The following HECTD4 variants were observed in gnomAD, a reference collection of about 807,000 sequenced individuals.
HECTD4 encodes probable E3 ubiquitin-protein ligase HECTD4.
In HECTD4, 114 loss-of-function variants were observed where a neutral mutation model predicts 471.5. The ratio of observed to expected loss-of-function variants is 0.24; its 90% CI spans 0.21 to 0.28. The LOEUF is 0.28. Ranked by LOEUF, HECTD4 falls within the 10% of genes least tolerant of loss-of-function variation. The pLI is 1.00. For synonymous variants in HECTD4, 2,012 were observed against 2,256.0 expected, an observed-to-expected ratio of 0.89 and a Z score of 3.07; for missense variants, 3,866 against 5,651.5, an observed-to-expected ratio of 0.68 and a Z score of 10.13.
chr12:112,182,220 C>G (rs1025812663), intron 62 of HECTD4, among the ~76,000 whole-genome samples: 1 of 151,950 alleles, frequency 6.6e-6, no homozygotes, highest in African/African-American at 2.4e-5. Context: ...AGTCCTAACA[C>G]TTTGGGAGGC....
intron 11 of HECTD4, 91 bp downstream of exon 11, chr12:112,273,564 G>A: frequency 8.4e-7 from 1 of 1,187,856 alleles, no homozygotes; most frequent in East Asian, 2.4e-5. Context: ...CACATTCTGG[G>A]GTTGGGCTAT....
intron 7 of HECTD4, among the ~76,000 whole-genome samples, chr12:112,300,826 C>A (rs1413969514): frequency 6.6e-6 from 1 of 152,100 alleles, no homozygotes; most frequent in African/African-American, 2.4e-5. Flanking sequence ...TCTTGAACTT[C>A]TTGGCCCTAC....
At chr12:112,320,579 T>C (rs2035565062) in intron 1 of HECTD4, among the ~76,000 whole-genome samples, 1 of 151,754 alleles carries the variant, frequency 6.6e-6, no homozygotes, top group Non-Finnish European at 1.5e-5. Flanking sequence ...CCCACGCCTG[T>C]AGTCCCAGCT....
At chr12:112,272,193 G>A (rs1384737487) in intron 11 of HECTD4, among the ~76,000 whole-genome samples, 5 of 151,888 alleles carry the variant, frequency 3.3e-5, no homozygotes, top group African/African-American at 4.8e-5. Flanking sequence ...GACTACAGGC[G>A]CCTGCCACCA....
intron 65 of HECTD4, 122 bp downstream of exon 65, chr12:112,176,474 G>A (rs1164148605): frequency 1.5e-6 from 1 of 689,348 alleles, no homozygotes; most frequent in Non-Finnish European, 2.6e-6. Context: ...AGAGCCCAGA[G>A]CAGAGGCCAT....
Position 112,382,085 on chromosome 12 carries a change from G to C in HECTD4, c.44C>G (p.Ala15Gly). 2 of 1,227,834 alleles carry C rather than the reference G, an allele frequency of 1.6e-6. No homozygotes were observed. Among genetic ancestry groups the C allele is most frequent in the Non-Finnish European group, 2.0e-6 (2 of 986,334 alleles). The allele number at this position is 1,227,834 out of a possible 1,614,324, so 76.1% of individuals were successfully genotyped here. The change falls in exon 1 of 76, where the codon GCT (alanine) becomes GGT (glycine). Residue 15 changes from alanine to glycine, a missense_variant. Ala to Gly is a moderately conservative substitution (Grantham distance 60). Coordinates refer to ENST00000682272, the MANE Select transcript of HECTD4 (RefSeq NM_001388303.1). ...AAAAAAAAAA[A>G]DSAQWLSVKE... The stretch of plus-strand genomic sequence containing the variant: ...CACCGAGAGCCACTGCGCCGAGTCA[G>C]CGGCCGCCGCCGCCGCCGCCGCCGC...
intron 21 of HECTD4, among the ~76,000 whole-genome samples, chr12:112,255,140 C>T (rs1296909166): frequency 1.3e-5 from 2 of 152,126 alleles, no homozygotes; most frequent in African/African-American, 2.4e-5. Context: ...CATAAGTTAG[C>T]GCATATTGGA....
At chr12:112,174,709 C>T (rs1203690760) in intron 66 of HECTD4, among the ~76,000 whole-genome samples, 1 of 152,134 alleles carries the variant, frequency 6.6e-6, no homozygotes, top group Non-Finnish European at 1.5e-5. Context: ...GGATTATAGG[C>T]ATGTGCCCCA....
In HECTD4 at chr12:112,171,004, G is replaced by A. The variant is rs533420858; in HGVS notation, c.11932+113C>T. 16 of 815,548 alleles carry A rather than the reference G, an allele frequency of 2.0e-5. No individual in the cohort carries two copies. The Admixed American group carries it at 4.5e-4, about 23-fold the overall frequency. 50.5% of individuals were successfully genotyped at this position (815,548 alleles called of 1,614,324 possible). On this transcript the variant is annotated intron_variant, in intron 68 of 75. Coordinates refer to ENST00000682272, the MANE Select transcript of HECTD4 (RefSeq NM_001388303.1). ...CCTGCTACATGAAAGGTTGAGGTGGGGTGGCATCTTCCTGGCGGGGCTGCC... is the reference window on the plus strand; with the variant it reads ...CCTGCTACATGAAAGGTTGAGGTGGAGTGGCATCTTCCTGGCGGGGCTGCC...
In HECTD4 at chr12:112,235,214, T is replaced by C; in HGVS notation, c.5778A>G (p.Thr1926=). ...TCAAGGAATTCTTGGGACTGGTTTT[T>C]GTCAATGTGGTGTCAGGTTCAGAAG... ...PTASEPDTTL[T]KTSPKNSLKG... The change falls in exon 37 of 76, where the codon ACA becomes ACG. Residue 1926 remains threonine (T), a synonymous_variant. Coordinates refer to ENST00000682272, the MANE Select transcript of HECTD4 (RefSeq NM_001388303.1). The surrounding 1 kb of genome is among the most constrained non-coding windows in gnomAD (Gnocchi z 5.0). The C allele has an allele frequency of 6.2e-7, 1 of 1,614,056 alleles. No individual in the cohort carries two copies. Among genetic ancestry groups the C allele is most frequent in the South Asian group, 1.1e-5 (1 of 91,082 alleles).
At chr12:112,297,602 T>A (rs2135670056) in intron 7 of HECTD4, among the ~76,000 whole-genome samples, 1 of 152,072 alleles carries the variant, frequency 6.6e-6, no homozygotes, top group East Asian at 1.9e-4. Context: ...TGGCCAGCAC[T>A]GGAAAGACAC....
chr12:112,274,998 A>G (rs1052197399), intron 9 of HECTD4, 38 bp from the exon 10 acceptor site: 1 of 1,210,424 alleles, frequency 8.3e-7, no homozygotes, highest in Non-Finnish European at 1.2e-6. Flanking sequence ...ATGAGCCTGA[A>G]GATTATTTTT....
rs1392479410 is a variant in HECTD4, at chr12:112,185,058, G to A, written c.9908C>T (p.Pro3303Leu). Residue 3303 changes from proline (P) to leucine (L), a missense_variant, in exon 61 of 76, where the codon CCA becomes CTA. Physicochemically the swap from Pro to Leu is moderately conservative, Grantham distance 98. Around this residue, in one of 16 missense-constraint regions of HECTD4, gnomAD observed 38 missense variants for 72.1 expected, o/e 0.53. Transcript: ENST00000682272. ...CTTGGAGAGGAGGCTGGGACTCTGT[G>A]GGGTCTGTCCTGGGGAGGACGAGGA... The part of the protein sequence containing the change: ...SSSSSSPGQT[P>L]QSPSLLSKRK... 6.3e-7 allele frequency: 1 copy of A among 1,589,742 alleles called. No individual in the cohort carries two copies. Among genetic ancestry groups the A allele is most frequent in the African/African-American group, 1.3e-5 (1 of 74,542 alleles).
At chr12:112,280,601 C>T (rs1193712858) in intron 8 of HECTD4, among the ~76,000 whole-genome samples, 1 of 151,420 alleles carries the variant, frequency 6.6e-6, no homozygotes, top group African/African-American at 2.4e-5. Context: ...CAAGCCCCCA[C>T]CAAGTATATT....
At position 112,228,628 on chromosome 12, in the gene HECTD4, C is replaced by A; in HGVS notation, c.6684+19G>T. ...TACCATTGGCAGACATTTTACAAAG[C>A]ATTTAAAAATCACCTTACCTCTGAT... On this transcript the variant is annotated intron_variant, in intron 42 of 75. Transcript: ENST00000682272. The surrounding 1 kb of genome is among the most constrained non-coding windows in gnomAD (Gnocchi z 4.9). 6.3e-7 allele frequency: 1 copy of A among 1,592,882 alleles called. No individual in the cohort carries two copies. Among genetic ancestry groups the A allele is most frequent in the Non-Finnish European group, 8.5e-7 (1 of 1,171,448 alleles).
chr12:112,309,658 C>G lies in HECTD4; in HGVS notation c.928G>C (p.Gly310Arg). ...SSSENKDADLGRCLTADGLYL... is the reference protein window; with the variant it reads ...SSSENKDADLRRCLTADGLYL... Reference sequence around the variant, plus strand: ...AGACCATCTGCCGTGAGACAGCGTCCCAAGTCAGCATCTGAAATCGTTTTT... The same window carrying G: ...AGACCATCTGCCGTGAGACAGCGTCGCAAGTCAGCATCTGAAATCGTTTTT... Residue 310 changes from glycine (G) to arginine (R), a missense_variant, in exon 5 of 76, where the codon GGA (glycine) becomes CGA (arginine). By Grantham distance (125) the Gly-to-Arg change is moderately radical (BLOSUM62 -2). Transcript: ENST00000682272. 3 of 1,518,700 alleles carry G rather than the reference C, an allele frequency of 2.0e-6. No individual in the cohort carries two copies. The highest frequency in any genetic ancestry group is 2.6e-6 in the Non-Finnish European group (3 of 1,133,702). The allele number at this position is 1,518,700 out of a possible 1,614,324, so 94.1% of individuals were successfully genotyped here. A position where few individuals can be genotyped will look rare whatever the true frequency, so the allele number is the denominator to read the frequency against.
At chr12:112,207,116 G>GTGTATGTA (rs149725381) in intron 52 of HECTD4, among the ~76,000 whole-genome samples, 2,257 of 147,428 alleles carry the variant, frequency 0.015, 26 homozygotes, top group Middle Eastern at 0.038. Flanking sequence ...ATGTGTGTGT[G>GTGTATGTA]TGTATGTATG....
At chr12:112,369,794 C>A (rs2036633449) in intron 1 of HECTD4, among the ~76,000 whole-genome samples, 1 of 152,114 alleles carries the variant, frequency 6.6e-6, no homozygotes, top group African/African-American at 2.4e-5. Flanking sequence ...CACCAATGAC[C>A]CAGCAATTCC....
At position 112,228,860 on chromosome 12, in the gene HECTD4, C is replaced by T; in HGVS notation, c.6520-49G>A. 1 of 1,553,888 alleles carries T rather than the reference C, an allele frequency of 6.4e-7. No homozygotes were observed. The highest frequency in any genetic ancestry group is 1.4e-5 in the African/African-American group (1 of 72,390). On this transcript the variant is annotated intron_variant, in intron 41 of 75. Transcript: ENST00000682272. The surrounding 1 kb of genome is among the most constrained non-coding windows in gnomAD (Gnocchi z 4.9). ...CTACCAACCAGCTCTGACGTGTGGG[C>T]AGCTGTCTTACGAGACAAGAGGAAA...
Sources: allele counts gnomAD v4.1 joint callset (sites outside exome capture counted in the v4.1 genomes callset), GRCh38; gene constraint gnomAD v4.1.1; regional missense constraint gnomAD v4.1.1; non-coding constraint Gnocchi (gnomAD v3.1); transcripts MANE v1.5; gene names NCBI Gene and HGNC (gene_info 2026-07-23, HGNC 2026-07-21).